SLC8A3: variants seen among roughly 807,000 people sequenced by gnomAD.
The protein encoded by SLC8A3 is sodium/calcium exchanger 3.
A neutral mutation model predicts 65.4 loss-of-function variants in SLC8A3; 37 were observed. The observed-to-expected ratio is 0.57, with a 90% CI of 0.44 to 0.74. The LOEUF is 0.74. SLC8A3 is among the 30% of genes least tolerant of loss of function. The pLI is 0.00. For synonymous variants in SLC8A3, 461 were observed against 444.5 expected (o/e 1.04, Z -0.47); for missense variants, 1,112 against 1,172.1 (o/e 0.95, Z 0.75).
chr14:70,078,842 A>T (rs1199866405), intron 2 of SLC8A3, among the ~76,000 whole-genome samples: 1 of 152,190 alleles, frequency 6.6e-6, no homozygotes, highest in Non-Finnish European at 1.5e-5. Flanking sequence ...TTGGGAATGG[A>T]TCTGCAGGGT....
intron 2 of SLC8A3, among the ~76,000 whole-genome samples, chr14:70,113,257 T>C (rs1285673266): frequency 6.6e-6 from 1 of 152,220 alleles, no homozygotes; most frequent in Non-Finnish European, 1.5e-5. Context: ...CTGTATGGTA[T>C]AGCCTATTGC....
chr14:70,131,628 C>G (rs1312477435), intron 2 of SLC8A3, among the ~76,000 whole-genome samples: 1 of 152,336 alleles, frequency 6.6e-6, no homozygotes, highest in Admixed American at 6.5e-5. Flanking sequence ...AATTCAAGTG[C>G]TCCTGATTTC....
chr14:70,167,488 G>A lies in SLC8A3; in HGVS notation c.935C>T (p.Ser312Phe). ...VPLEGKEVDE[S>F]RREMIRILKD... ...GAGAATCCGGATCATCTCTCTGCGGGACTCATCCACTTCCTTCCCTTCCAG... is the reference window on the plus strand; with the variant it reads ...GAGAATCCGGATCATCTCTCTGCGGAACTCATCCACTTCCTTCCCTTCCAG... The change falls in exon 2 of 7, where the codon TCC (serine) becomes TTC (phenylalanine). Residue 312 changes from serine (S) to phenylalanine (F), a missense_variant. By Grantham distance (155) the Ser-to-Phe change is radical. Transcript: ENST00000356921. The A allele has an allele frequency of 6.2e-7, 1 of 1,614,018 alleles. No individual in the cohort carries two copies. Among genetic ancestry groups the A allele is most frequent in the Non-Finnish European group, 8.5e-7 (1 of 1,179,980 alleles).
intron 1 of SLC8A3, among the ~76,000 whole-genome samples, chr14:70,184,966 C>CTTT (rs11337843): frequency 1.8e-5 from 2 of 108,648 alleles, no homozygotes; most frequent in Non-Finnish European, 3.9e-5. Context: ...TTTTTCTTTT[C>CTTT]TTTTTTTTTT....
intron 2 of SLC8A3, among the ~76,000 whole-genome samples, chr14:70,097,298 A>AAG (rs555619960): frequency 1.2e-4 from 19 of 152,146 alleles, no homozygotes; most frequent in African/African-American, 4.6e-4. Context: ...AAAAAAAAAA[A>AAG]AAAACACCTC....
At chr14:70,062,460 C>A (rs535468480) in intron 2 of SLC8A3, among the ~76,000 whole-genome samples, 1 of 152,282 alleles carries the variant, frequency 6.6e-6, no homozygotes, top group East Asian at 1.9e-4. Flanking sequence ...ACACAAATAC[C>A]ATTGTGCTAC....
chr14:70,088,053 C>G (rs1264491617), intron 2 of SLC8A3, among the ~76,000 whole-genome samples: 1 of 152,008 alleles, frequency 6.6e-6, no homozygotes, highest in Admixed American at 6.6e-5. Flanking sequence ...CTTGAAAGGG[C>G]TGGGATGGAG....
chr14:70,063,578 T>G (rs1008099005), intron 2 of SLC8A3, among the ~76,000 whole-genome samples: 1 of 152,214 alleles, frequency 6.6e-6, no homozygotes, highest in Non-Finnish European at 1.5e-5. Flanking sequence ...CCATCGGTCT[T>G]GAGCATCCCT....
At chr14:70,157,740 C>A (rs1896657884) in intron 2 of SLC8A3, among the ~76,000 whole-genome samples, 1 of 152,202 alleles carries the variant, frequency 6.6e-6, no homozygotes, top group Non-Finnish European at 1.5e-5. Flanking sequence ...CCAATCTGTG[C>A]TGCATCCTTA....
At position 70,168,436 on chromosome 14, in the gene SLC8A3, C is replaced by A; in HGVS notation, c.-14G>T. The A allele has an allele frequency of 6.3e-7, 1 of 1,599,608 alleles. No homozygotes were observed. The highest frequency in any genetic ancestry group is 8.5e-7 in the Non-Finnish European group (1 of 1,170,788). On this transcript the variant is annotated 5_prime_UTR_variant, in exon 2 of 7. Coordinates refer to ENST00000356921, the MANE Select transcript of SLC8A3 (RefSeq NM_182932.3). ...TAACCACGCCATACACGAGACTTAG[C>A]CACTGGCTTCTATTGCAGCACCAGT...
At chr14:70,080,292 G>A (rs1890945672) in intron 2 of SLC8A3, 2 of 955,378 alleles carry the variant, frequency 2.1e-6, no homozygotes, top group Admixed American at 6.1e-5. Context: ...GGGAAGGACA[G>A]CTTGAAAGGA....
At chr14:70,181,893 A>T (rs1882780786) in intron 1 of SLC8A3, among the ~76,000 whole-genome samples, 1 of 152,240 alleles carries the variant, frequency 6.6e-6, no homozygotes, top group Non-Finnish European at 1.5e-5. Flanking sequence ...TGTTTTTTAC[A>T]GTATAATAAT....
In SLC8A3 at chr14:70,166,950, C is replaced by T. The variant is rs373293970; in HGVS notation, c.1473G>A (p.Glu491=). 69 of 1,614,094 alleles carry T rather than the reference C, an allele frequency of 4.3e-5. No individual in the cohort carries two copies. Among genetic ancestry groups the T allele is most frequent in the Non-Finnish European group, 5.6e-5 (66 of 1,180,050 alleles). Residue 491 remains glutamate (E), a synonymous_variant, in exon 2 of 7, where the codon GAG becomes GAA. Coordinates refer to ENST00000356921, the MANE Select transcript of SLC8A3 (RefSeq NM_182932.3). The stretch of plus-strand genomic sequence containing the variant: ...GAGGCATCCCCTCCTCTGGCTGCTC[C>T]TCCTCTATGCGGACATTGCTCAACC... ...FVRLSNVRIE[E]EQPEEGMPPA... is the part of the protein sequence containing the mutation.
intron 1 of SLC8A3, among the ~76,000 whole-genome samples, chr14:70,176,588 G>A (rs943332007): frequency 2.0e-5 from 3 of 152,254 alleles, no homozygotes; most frequent in African/African-American, 7.2e-5. Context: ...TTTGGACTGA[G>A]AGAAGGACTC....
At chr14:70,093,174 G>A (rs1891920449) in intron 2 of SLC8A3, among the ~76,000 whole-genome samples, 1 of 152,208 alleles carries the variant, frequency 6.6e-6, no homozygotes, top group African/African-American at 2.4e-5. Context: ...GTTTATTCTG[G>A]TGGTATTTGG....
chr14:70,101,794 A>G (rs1892568998), intron 2 of SLC8A3, among the ~76,000 whole-genome samples: 1 of 152,234 alleles, frequency 6.6e-6, no homozygotes. Flanking sequence ...TGCGTGAAGC[A>G]ATTACTACAC....
In SLC8A3 at chr14:70,045,917, C is replaced by T; in HGVS notation, c.*30G>A. ...CCCTTCTCTTAGGAGAAGTCCTAGG[C>T]CTGCCCTGCTGGAGGCTCTGTTGTG... On this transcript the variant is annotated 3_prime_UTR_variant, in exon 7 of 7. Coordinates refer to ENST00000356921, the MANE Select transcript of SLC8A3 (RefSeq NM_182932.3). The T allele has an allele frequency of 1.4e-5, 21 of 1,543,356 alleles. No individual in the cohort carries two copies. The highest frequency in any genetic ancestry group is 1.8e-5 in the Non-Finnish European group (20 of 1,141,826).
chr14:70,089,296 C>T (rs1428209837), intron 2 of SLC8A3, among the ~76,000 whole-genome samples: 1 of 152,150 alleles, frequency 6.6e-6, no homozygotes, highest in Non-Finnish European at 1.5e-5. Context: ...TTTGGGATGG[C>T]ACTTAACATA....
intron 2 of SLC8A3, among the ~76,000 whole-genome samples, chr14:70,111,432 CAG>C (rs1238321766): frequency 1.3e-5 from 2 of 152,272 alleles, no homozygotes; most frequent in Admixed American, 1.3e-4. Context: ...TAAATATCTT[CAG>C]GATCAAGGGC....
Sources: gnomAD v4.1 joint callset for allele counts (sites outside exome capture counted in the v4.1 genomes callset) on GRCh38, gnomAD v4.1.1 for gene constraint, MANE v1.5 for transcripts, NCBI Gene and HGNC (gene_info 2026-07-23, HGNC 2026-07-21) for gene names.